The following TAS1R1 variants were observed in gnomAD, a reference collection of about 807,000 sequenced individuals.
TAS1R1 encodes the protein taste receptor type 1 member 1.
A neutral mutation model predicts 45.8 loss-of-function variants in TAS1R1; 31 were observed. The observed-to-expected ratio is 0.68, with a 90% CI of 0.51 to 0.91. The LOEUF is 0.91. TAS1R1 is among the 40% of genes least tolerant of loss of function. TAS1R1 has a pLI of 0.00. For missense variants in TAS1R1, 1,051 were observed against 1,063.9 expected (o/e 0.99, Z 0.17); for synonymous variants, 437 against 448.4 (o/e 0.97, Z 0.32).
At position 6,579,739 on chromosome 1, in the gene TAS1R1, T is replaced by C. The variant is rs888305697; in HGVS notation, c.*155T>C. 3 of 1,028,678 alleles carry C rather than the reference T, an allele frequency of 2.9e-6. No homozygotes were observed. Among genetic ancestry groups the C allele is most frequent in the Non-Finnish European group, 4.1e-6 (3 of 729,000 alleles). The allele number at this position is 1,028,678 out of a possible 1,614,324, so 63.7% of individuals were successfully genotyped here. On this transcript the variant is annotated 3_prime_UTR_variant, in exon 6 of 6. Transcript: ENST00000333172. ...CCTAGACCAGGCTCCGGGCTGCCAA[T>C]AAAGAAGTGAAATGCGTATCTGGTC... is the stretch of plus-strand genomic sequence containing the variant.
chr1:6,570,805 A>G lies in TAS1R1; in HGVS notation c.192-104A>G, dbSNP rs1639989321. ...TGTGGTTTGGGGGACTGGACCGATG[A>G]CCTCAAAGGTTCCCTTTGCTCCCAA... On this transcript the variant is annotated intron_variant, in intron 1 of 5. Coordinates refer to ENST00000333172, the MANE Select transcript of TAS1R1 (RefSeq NM_138697.4). 3.9e-6 allele frequency: 4 copies of G among 1,035,226 alleles called. No individual in the cohort carries two copies. The South Asian group carries it at 6.5e-5, about 17-fold the overall frequency. 64.1% of individuals were successfully genotyped at this position (1,035,226 alleles called of 1,614,324 possible).
Position 6,555,440 on chromosome 1 carries a change from T to C in TAS1R1, c.67T>C (p.Cys23Arg), listed in dbSNP as rs1482026155. 8.7e-6 allele frequency: 14 copies of C among 1,608,236 alleles called. No individual in the cohort carries two copies. The highest frequency in any genetic ancestry group is 1.1e-5 in the Non-Finnish European group (13 of 1,177,612). Residue 23 changes from cysteine to arginine, a missense_variant, in exon 1 of 6, where the codon TGC becomes CGC. Physicochemically the swap from Cys to Arg is radical, Grantham distance 180 (BLOSUM62 -3). Coordinates refer to ENST00000333172, the MANE Select transcript of TAS1R1 (RefSeq NM_138697.4). ...LLISCCWAFACHSTESSPDFT... is the reference protein window; with the variant it reads ...LLISCCWAFARHSTESSPDFT... ...CATTTCCTGCTGCTGGGCCTTTGCC[T>C]GCCATAGCACGGAGTCTTCTCCTGA...
Position 6,576,174 on chromosome 1 carries a change from T to G in TAS1R1, c.1261-241T>G, listed in dbSNP as rs539983987. On this transcript the variant is annotated intron_variant, in intron 3 of 5. Transcript: ENST00000333172. The stretch of plus-strand genomic sequence containing the variant: ...CTTGCCTTCTCTCACCCACTGTGTC[T>G]TGGAAGTGTCAAGTGATAAGATCCA... Among the ~76,000 whole-genome samples, 15 of 152,340 alleles carry G rather than the reference T, an allele frequency of 9.8e-5. No homozygotes were observed. In the East Asian group the frequency reaches 2.9e-3, roughly 29 times the overall value.
Position 6,570,953 on chromosome 1 carries a change from T to A in TAS1R1, c.236T>A (p.Met79Lys), listed in dbSNP as rs1244349219. The A allele has an allele frequency of 6.2e-7, 1 of 1,612,696 alleles. No homozygotes were observed. Among genetic ancestry groups the A allele is most frequent in the Non-Finnish European group, 8.5e-7 (1 of 1,179,334 alleles). The change falls in exon 2 of 6, where the codon ATG becomes AAG. Residue 79 changes from methionine to lysine, a missense_variant. Coordinates refer to ENST00000333172, the MANE Select transcript of TAS1R1 (RefSeq NM_138697.4). Reference protein sequence around the residue: ...NEHGYHLFQAMRLGVEEINNS... With the variant: ...NEHGYHLFQAKRLGVEEINNS... ...CATGGCTACCACCTCTTCCAGGCTA[T>A]GCGGCTTGGGGTTGAGGAGATAAAC...
At position 6,579,587 on chromosome 1, in the gene TAS1R1, A is replaced by G. The variant is rs1640329162; in HGVS notation, c.*3A>G. On this transcript the variant is annotated 3_prime_UTR_variant, in exon 6 of 6. Transcript: ENST00000333172. Reference sequence around the variant, plus strand: ...CGAGGCGCTGCGGCTCCACCTGACCAGTGGGTCAGCAGGCACGGCTGGCAG... The same window carrying G: ...CGAGGCGCTGCGGCTCCACCTGACCGGTGGGTCAGCAGGCACGGCTGGCAG... 6.3e-7 allele frequency: 1 copy of G among 1,597,044 alleles called. No individual in the cohort carries two copies. Among genetic ancestry groups the G allele is most frequent in the South Asian group, 1.1e-5 (1 of 90,378 alleles).
intron 1 of TAS1R1, among the ~76,000 whole-genome samples, chr1:6,562,988 A>G (rs1049304374): frequency 6.6e-6 from 1 of 152,186 alleles, no homozygotes; most frequent in African/African-American, 2.4e-5. Flanking sequence ...TGGAGCAAGA[A>G]TCGTTTTGTG....
chr1:6,579,358 TCTTCAA>T lies in TAS1R1; in HGVS notation c.2305_2310del (p.Asn769_Phe770del). The T allele has an allele frequency of 6.2e-7, 1 of 1,614,048 alleles. No individual in the cohort carries two copies. The highest frequency in any genetic ancestry group is 2.2e-5 in the East Asian group (1 of 44,886). On this transcript the variant is annotated inframe_deletion, in exon 6 of 6. Coordinates refer to ENST00000333172, the MANE Select transcript of TAS1R1 (RefSeq NM_138697.4). ...GCCAAATGTGTCACCTTCAGCCTGC[TCTTCAA>T]CTTCGTGTCCTGGATCGCCTTCTTC...
Position 6,579,723 on chromosome 1 carries a change from G to A in TAS1R1, c.*139G>A, listed in dbSNP as rs548194971. ...TAAGCGCCTGGGAGAGCCTAGACCA[G>A]GCTCCGGGCTGCCAATAAAGAAGTG... On this transcript the variant is annotated 3_prime_UTR_variant, in exon 6 of 6. Coordinates refer to ENST00000333172, the MANE Select transcript of TAS1R1 (RefSeq NM_138697.4). The A allele has an allele frequency of 4.2e-6, 5 of 1,189,896 alleles. No individual in the cohort carries two copies. In the African/African-American group the frequency reaches 7.7e-5, roughly 18 times the overall value. The allele number at this position is 1,189,896 out of a possible 1,614,324, so 73.7% of individuals were successfully genotyped here.
chr1:6,577,979 T>C (rs1418825385), intron 5 of TAS1R1, among the ~76,000 whole-genome samples: 1 of 152,212 alleles, frequency 6.6e-6, no homozygotes, highest in Non-Finnish European at 1.5e-5. Flanking sequence ...ATTGTTCCCT[T>C]TGTGCCCTCT....
chr1:6,555,387 C>T lies in TAS1R1; in HGVS notation c.14C>T (p.Thr5Met), dbSNP rs1272064595. 3 of 1,600,042 alleles carry T rather than the reference C, an allele frequency of 1.9e-6. No individual in the cohort carries two copies. The highest frequency in any genetic ancestry group is 1.7e-6 in the Non-Finnish European group (2 of 1,175,052). MLLC[T>M]ARLVGLQLLI... is the part of the protein sequence containing the mutation. Reference sequence around the variant, plus strand: ...CATCTGGCCAGCATGCTGCTCTGCACGGCTCGCCTGGTCGGCCTGCAGCTT... The same window carrying T: ...CATCTGGCCAGCATGCTGCTCTGCATGGCTCGCCTGGTCGGCCTGCAGCTT... The change falls in exon 1 of 6, where the codon ACG (threonine) becomes ATG (methionine). Residue 5 changes from threonine (T) to methionine (M), a missense_variant. Thr to Met is a moderately conservative substitution (Grantham distance 81). Coordinates refer to ENST00000333172, the MANE Select transcript of TAS1R1 (RefSeq NM_138697.4).
At chr1:6,578,038 G>A (rs542974113) in intron 5 of TAS1R1, among the ~76,000 whole-genome samples, 1 of 152,126 alleles carries the variant, frequency 6.6e-6, no homozygotes, top group South Asian at 2.1e-4. Flanking sequence ...CTAGCTCCTT[G>A]AACAGCTTGG....
intron 1 of TAS1R1, among the ~76,000 whole-genome samples, chr1:6,559,714 T>TC (rs1639748364): frequency 6.7e-6 from 1 of 148,916 alleles, no homozygotes. Context: ...ACGCCTGTAA[T>TC]CCTAGTACTT....
chr1:6,570,022 G>GAGAGAGAGA (rs1639969623), intron 1 of TAS1R1, among the ~76,000 whole-genome samples: 1 of 6,274 alleles, frequency 1.6e-4, no homozygotes, highest in Non-Finnish European at 7.5e-4. Flanking sequence ...AGGGAGGGAG[G>GAGAGAGAGA]GGGAGAGAGA....
At chr1:6,560,053 T>C (rs760470801) in intron 1 of TAS1R1, among the ~76,000 whole-genome samples, 57 of 149,818 alleles carry the variant, frequency 3.8e-4, no homozygotes, top group Non-Finnish European at 5.9e-4. Flanking sequence ...TCCCAGCACT[T>C]TGGGAGGCCA....
chr1:6,565,549 G>A (rs1222949775), intron 1 of TAS1R1, among the ~76,000 whole-genome samples: 2 of 152,112 alleles, frequency 1.3e-5, no homozygotes, highest in Admixed American at 1.3e-4. Context: ...GCTGTGTAGA[G>A]AGTGAAGGAC....
intron 3 of TAS1R1, 40 bp downstream of exon 3, chr1:6,575,432 A>G: frequency 6.6e-7 from 1 of 1,518,326 alleles, no homozygotes; most frequent in South Asian, 1.3e-5. Context: ...CAGGGAGAAC[A>G]GCCAATCCTG....
At position 6,571,191 on chromosome 1, in the gene TAS1R1, G is replaced by A. The variant is rs928131342; in HGVS notation, c.474G>A (p.Leu158=). ...ACCGTGCTGCCACCACAGCCGCCCT[G>A]CTGAGCCCTTTCCTGGTGCCCATGG... is the stretch of plus-strand genomic sequence containing the variant. ...STNRAATTAA[L]LSPFLVPMIS... is the part of the protein sequence containing the mutation. The change falls in exon 2 of 6, where the codon CTG becomes CTA. Residue 158 remains leucine (L), a synonymous_variant. Coordinates refer to ENST00000333172, the MANE Select transcript of TAS1R1 (RefSeq NM_138697.4). 8 of 1,580,068 alleles carry A rather than the reference G, an allele frequency of 5.1e-6. No individual in the cohort carries two copies. The highest frequency in any genetic ancestry group is 1.3e-5 in the African/African-American group (1 of 74,240).
chr1:6,558,049 T>G (rs116015545), intron 1 of TAS1R1, among the ~76,000 whole-genome samples: 12 of 9,650 alleles, frequency 1.2e-3, no homozygotes, highest in Admixed American at 9.9e-3. Context: ...TTTGTTTTTG[T>G]TTTTGTTTTT....
chr1:6,579,162 A>G lies in TAS1R1; in HGVS notation c.2104A>G (p.Thr702Ala), dbSNP rs762030613. 7.4e-6 allele frequency: 12 copies of G among 1,613,978 alleles called. No individual in the cohort carries two copies. Among genetic ancestry groups the G allele is most frequent in the Middle Eastern group, 3.3e-4 (2 of 6,062 alleles). ...LICLTWLVVW[T>A]PLPAREYQRF... Reference sequence around the variant, plus strand: ...CTGTCTAACTTGGCTGGTGGTGTGGACCCCACTGCCTGCTAGGGAATACCA... The same window carrying G: ...CTGTCTAACTTGGCTGGTGGTGTGGGCCCCACTGCCTGCTAGGGAATACCA... The change falls in exon 6 of 6, where the codon ACC becomes GCC. Residue 702 changes from threonine (T) to alanine (A), a missense_variant. By Grantham distance (58) the Thr-to-Ala change is moderately conservative (BLOSUM62 0). Transcript: ENST00000333172.
Sources: allele counts gnomAD v4.1 joint callset (sites outside exome capture counted in the v4.1 genomes callset), GRCh38; gene constraint gnomAD v4.1.1; transcripts MANE v1.5; gene names NCBI Gene and HGNC (gene_info 2026-07-23, HGNC 2026-07-21).